Variants in SAMMSON observed in about 807,000 individuals in gnomAD.
SAMMSON encodes the protein long intergenic non-protein coding RNA 1212.
chr3:70,070,209 C>T (rs1559784901), intron 3 of SAMMSON: 1 of 151,958 alleles, frequency 6.6e-6, no homozygotes, highest in Non-Finnish European at 1.5e-5. Flanking sequence ...ATGCCCTTCA[C>T]CCAGCTTCCT....
intron 4 of SAMMSON, among the ~76,000 whole-genome samples, chr3:70,118,639 C>G (rs1019161433): frequency 2.6e-5 from 4 of 152,186 alleles, no homozygotes; most frequent in African/African-American, 9.7e-5. Context: ...TCCCACCTCT[C>G]AAACTGATTT....
At chr3:70,289,003 A>G (rs1181435590) in intron 6 of SAMMSON, among the ~76,000 whole-genome samples, 1 of 152,100 alleles carries the variant, frequency 6.6e-6, no homozygotes, top group East Asian at 1.9e-4. Context: ...TGGGTCTTAA[A>G]TCTTTATCCA....
chr3:70,043,183 C>A (rs2067112080), intron 3 of SAMMSON, among the ~76,000 whole-genome samples: 1 of 152,054 alleles, frequency 6.6e-6, no homozygotes, highest in African/African-American at 2.4e-5. Flanking sequence ...AGGGCTGGTC[C>A]TGCCACTGAT....
At chr3:70,285,412 A>G (rs1430759387) in intron 6 of SAMMSON, among the ~76,000 whole-genome samples, 2 of 152,074 alleles carry the variant, frequency 1.3e-5, no homozygotes, top group African/African-American at 2.4e-5. Flanking sequence ...GCTGCATAGT[A>G]TTCTATGGTG....
At chr3:70,275,927 G>A (rs1364055398) in intron 6 of SAMMSON, among the ~76,000 whole-genome samples, 1 of 151,796 alleles carries the variant, frequency 6.6e-6, no homozygotes, top group Non-Finnish European at 1.5e-5. Flanking sequence ...TGCAAATCAT[G>A]GTAACTAATC....
At chr3:70,218,458 A>G (rs1261617391) in intron 4 of SAMMSON, among the ~76,000 whole-genome samples, 1 of 152,178 alleles carries the variant, frequency 6.6e-6, no homozygotes, top group Non-Finnish European at 1.5e-5. Flanking sequence ...GACTGAGGTC[A>G]GTACTCTACA....
At chr3:70,295,126 A>G (rs1384378984) in intron 7 of SAMMSON, among the ~76,000 whole-genome samples, 1 of 152,138 alleles carries the variant, frequency 6.6e-6, no homozygotes, top group South Asian at 2.1e-4. Context: ...AATTCTTCCA[A>G]CTTCTGAGAT....
At chr3:70,173,255 C>T (rs1284199271) in intron 4 of SAMMSON, among the ~76,000 whole-genome samples, 1 of 151,880 alleles carries the variant, frequency 6.6e-6, no homozygotes, top group Non-Finnish European at 1.5e-5. Context: ...TTTCAGCAGA[C>T]TATTTTACCT....
At chr3:70,222,455 A>G (rs1030458741) in intron 4 of SAMMSON, among the ~76,000 whole-genome samples, 5 of 152,234 alleles carry the variant, frequency 3.3e-5, no homozygotes, top group Non-Finnish European at 2.9e-5. Flanking sequence ...GTTTGTGTCT[A>G]TGTGCTTACA....
chr3:70,341,903 T>TGTAAA (rs1702714075), intron 7 of SAMMSON, among the ~76,000 whole-genome samples: 1 of 152,174 alleles, frequency 6.6e-6, no homozygotes, highest in South Asian at 2.1e-4. Context: ...TTACAATAGA[T>TGTAAA]CAGTAATATG....
intron 4 of SAMMSON, among the ~76,000 whole-genome samples, chr3:70,165,387 G>T (rs2106695471): frequency 6.6e-6 from 1 of 152,048 alleles, no homozygotes; most frequent in African/African-American, 2.4e-5. Context: ...CCCCATGAGT[G>T]AAATTTGTAT....
In SAMMSON at chr3:70,080,339, C is replaced by T. The variant is rs145763567; in HGVS notation, n.507+8774C>T. On this transcript the variant is annotated intron_variant and non_coding_transcript_variant, in intron 4 of 9. Transcript: ENST00000642114. ...CATGCACTTGAATTTCTGCTTTAGC[C>T]TCTATTCGTCAGCAACCCAACCTAA... 8.2e-3 allele frequency among the ~76,000 whole-genome samples: 1,245 copies of T among 152,304 alleles called. 8 individuals are homozygous for T. Among genetic ancestry groups the T allele is most frequent in the Non-Finnish European group, 0.013 (878 of 68,020 alleles).
intron 4 of SAMMSON, among the ~76,000 whole-genome samples, chr3:70,236,491 T>G (rs1365463977): frequency 1.3e-5 from 2 of 152,228 alleles, no homozygotes; most frequent in African/African-American, 4.8e-5. Flanking sequence ...TGTGTAAGCC[T>G]TCATGTATTA....
At chr3:70,365,029 A>C (rs1051656265) in intron 9 of SAMMSON, among the ~76,000 whole-genome samples, 7 of 151,692 alleles carry the variant, frequency 4.6e-5, no homozygotes, top group South Asian at 2.1e-4. Flanking sequence ...TATTTTCTAA[A>C]ATGTACATTT....
chr3:70,095,049 G>A (rs539919578), intron 4 of SAMMSON, among the ~76,000 whole-genome samples: 1 of 152,228 alleles, frequency 6.6e-6, no homozygotes, highest in South Asian at 2.1e-4. Context: ...AAAAATTTGG[G>A]GTCAGCATGA....
intron 3 of SAMMSON, among the ~76,000 whole-genome samples, chr3:70,066,305 T>C (rs2067210372): frequency 6.6e-6 from 1 of 152,180 alleles, no homozygotes; most frequent in Admixed American, 6.5e-5. Context: ...TTTATTACAT[T>C]GTAACTTCAA....
intron 4 of SAMMSON, among the ~76,000 whole-genome samples, chr3:70,184,823 ACACCACATTTTACCTCT>A (rs1250086995): frequency 6.6e-6 from 1 of 152,146 alleles, no homozygotes; most frequent in Non-Finnish European, 1.5e-5. Flanking sequence ...ACCTCTCAGC[ACACCACATTTTACCTCT>A]CAGGTTGTCA....
chr3:70,428,928 T>C (rs1701392241), intron 2 of SAMMSON, among the ~76,000 whole-genome samples: 1 of 152,302 alleles, frequency 6.6e-6, no homozygotes, highest in South Asian at 2.1e-4. Context: ...AAAAAGATCA[T>C]TGCCCTTATG....
intron 4 of SAMMSON, among the ~76,000 whole-genome samples, chr3:70,208,963 T>A (rs1260240886): frequency 6.6e-6 from 1 of 152,084 alleles, no homozygotes; most frequent in Non-Finnish European, 1.5e-5. Flanking sequence ...AAGCAATTAA[T>A]GTAGTATTGA....
Sources: gnomAD v4.1 joint callset for allele counts (sites outside exome capture counted in the v4.1 genomes callset) on GRCh38, gnomAD v4.1.1 for gene constraint, MANE v1.5 for transcripts, NCBI Gene and HGNC (gene_info 2026-07-23, HGNC 2026-07-21) for gene names.